C12orf42: variants seen among roughly 807,000 people sequenced by gnomAD.
C12orf42 encodes the protein chromosome 12 open reading frame 42, also known as uncharacterized protein C12orf42.
Under a neutral mutation model 21.6 loss-of-function variants are expected in C12orf42, and 25 were observed. The ratio of observed to expected loss-of-function variants is 1.16; its 90% CI spans 0.84 to 1.62. C12orf42 has a LOEUF of 1.62. Among genes scored for constraint, C12orf42 ranks in the 40% most tolerant of loss-of-function variants. The pLI, the probability that C12orf42 is intolerant of heterozygous loss-of-function variation, is 0.00. For synonymous variants in C12orf42, 174 were observed against 175.0 expected (o/e 0.99, Z 0.05); for missense variants, 483 against 459.3 (o/e 1.05, Z -0.47).
chr12:103,406,008 C>T (rs1237423945), intron 2 of C12orf42, among the ~76,000 whole-genome samples: 1 of 152,062 alleles, frequency 6.6e-6, no homozygotes, highest in Non-Finnish European at 1.5e-5. Flanking sequence ...AATTACTGCC[C>T]GATTTTGGCC....
the C12orf42 span, among the ~76,000 whole-genome samples, chr12:103,073,049 G>C: frequency 6.5e-3 from 991 of 152,198 alleles, 9 homozygotes; most frequent in African/African-American, 0.022. Context: ...GGAGCTGGAG[G>C]CCATTATCCT....
chr12:103,532,379 T>G, the C12orf42 span, among the ~76,000 whole-genome samples: 1 of 152,332 alleles, frequency 6.6e-6, no homozygotes, highest in East Asian at 1.9e-4. Flanking sequence ...TCAATGTGTT[T>G]TATAAATGGA....
chr12:103,375,015 A>G (rs1211275577), intron 3 of C12orf42, among the ~76,000 whole-genome samples: 1 of 152,224 alleles, frequency 6.6e-6, no homozygotes, highest in East Asian at 1.9e-4. Flanking sequence ...AACCCTTACA[A>G]CTAAAATGAA....
chr12:103,047,680 G>A, the C12orf42 span, among the ~76,000 whole-genome samples: 3 of 152,206 alleles, frequency 2.0e-5, no homozygotes, highest in Non-Finnish European at 4.4e-5. Flanking sequence ...TGATGGGGCA[G>A]TTCTCCTGAC....
the C12orf42 span, among the ~76,000 whole-genome samples, chr12:103,147,644 A>G: frequency 2.8e-5 from 1 of 35,420 alleles, no homozygotes; most frequent in African/African-American, 1.6e-4. Flanking sequence ...TTTTTTTTGT[A>G]ATGTACGACA....
intron 2 of C12orf42, among the ~76,000 whole-genome samples, chr12:103,430,956 C>G (rs938466656): frequency 6.6e-6 from 1 of 151,928 alleles, no homozygotes; most frequent in Admixed American, 6.6e-5. Flanking sequence ...CAAACTGGGG[C>G]CTGTTGAGGG....
At chr12:103,495,537 T>TC (rs2138245945) in intron 1 of C12orf42, among the ~76,000 whole-genome samples, 1 of 151,908 alleles carries the variant, frequency 6.6e-6, no homozygotes, top group East Asian at 2.0e-4. Context: ...CGCGCTCGCC[T>TC]CCGCGGGGGA....
At chr12:103,075,581 C>T in the C12orf42 span, among the ~76,000 whole-genome samples, 1 of 152,158 alleles carries the variant, frequency 6.6e-6, no homozygotes, top group Non-Finnish European at 1.5e-5. Context: ...TATTTCATGG[C>T]CTGTGCTAAT....
At chr12:103,238,086 A>T (rs79780478) in intron 10 of C12orf42, among the ~76,000 whole-genome samples, 2,956 of 152,272 alleles carry the variant, frequency 0.019, 107 homozygotes, top group African/African-American at 0.067. Context: ...GTATGGAGGG[A>T]CATGGGACTA....
intron 3 of C12orf42, among the ~76,000 whole-genome samples, chr12:103,375,496 A>T (rs2045614524): frequency 1.3e-5 from 2 of 152,230 alleles, no homozygotes; most frequent in African/African-American, 4.8e-5. Flanking sequence ...AGTATAACTT[A>T]TAATGACCTA....
At chr12:103,375,055 A>G (rs985856510) in intron 3 of C12orf42, among the ~76,000 whole-genome samples, 8 of 152,204 alleles carry the variant, frequency 5.3e-5, no homozygotes, top group Non-Finnish European at 1.0e-4. Context: ...GTAAGTAGTA[A>G]GCCATGGAGT....
At chr12:103,084,381 T>TTATACAC in the C12orf42 span, among the ~76,000 whole-genome samples, 1 of 152,166 alleles carries the variant, frequency 6.6e-6, no homozygotes, top group Non-Finnish European at 1.5e-5. Context: ...TTATTAGATG[T>TTATACAC]TATACACTAC....
chr12:103,189,583 T>G, the C12orf42 span, among the ~76,000 whole-genome samples: 1 of 152,182 alleles, frequency 6.6e-6, no homozygotes, highest in African/African-American at 2.4e-5. Context: ...ATCTGCATAG[T>G]GTAGGCCTGG....
At chr12:103,443,513 A>G (rs993832512) in intron 2 of C12orf42, among the ~76,000 whole-genome samples, 2 of 152,154 alleles carry the variant, frequency 1.3e-5, no homozygotes, top group Admixed American at 1.3e-4. Context: ...TGTGAATGGA[A>G]GAGCACAAGC....
At chr12:103,319,449 T>C (rs2039866574) in intron 4 of C12orf42, among the ~76,000 whole-genome samples, 1 of 152,226 alleles carries the variant, frequency 6.6e-6, no homozygotes, top group African/African-American at 2.4e-5. Flanking sequence ...TACATAGATA[T>C]TATTTTGAAA....
chr12:103,283,325 C>T (rs1239270683), intron 4 of C12orf42, among the ~76,000 whole-genome samples: 1 of 152,226 alleles, frequency 6.6e-6, no homozygotes, highest in Non-Finnish European at 1.5e-5. Flanking sequence ...ATTATCACTT[C>T]TCTGGACCAC....
intron 4 of C12orf42, among the ~76,000 whole-genome samples, chr12:103,327,767 T>A (rs1364617783): frequency 6.6e-6 from 1 of 152,134 alleles, no homozygotes; most frequent in African/African-American, 2.4e-5. Flanking sequence ...ATTGAATGAA[T>A]GTTGAAGAAA....
the C12orf42 span, among the ~76,000 whole-genome samples, chr12:103,209,778 C>G: frequency 2.0e-3 from 302 of 152,324 alleles, 1 homozygote; most frequent in Non-Finnish European, 3.6e-3. Context: ...CCAGTCAAGC[C>G]TTCCAGTCTG....
chr12:103,439,148 G>A (rs1293861942), intron 2 of C12orf42, among the ~76,000 whole-genome samples: 1 of 151,714 alleles, frequency 6.6e-6, no homozygotes, highest in Non-Finnish European at 1.5e-5. Flanking sequence ...AGAAAAACAA[G>A]AAATGGGGAA....
Sources: gnomAD v4.1 joint callset for allele counts (sites outside exome capture counted in the v4.1 genomes callset) on GRCh38, gnomAD v4.1.1 for gene constraint, MANE v1.5 for transcripts, NCBI Gene and HGNC (gene_info 2026-07-23, HGNC 2026-07-21) for gene names.